FAM171A1: variants seen among roughly 807,000 people sequenced by gnomAD.
FAM171A1 encodes the protein protein FAM171A1.
Under a neutral mutation model 74.9 loss-of-function variants are expected in FAM171A1, and 23 were observed. The observed-to-expected ratio is 0.31, with a 90% CI of 0.22 to 0.44. The LOEUF (loss-of-function observed/expected upper bound fraction) is 0.44, where lower values mean the gene tolerates loss of function less well. Among genes scored for constraint, FAM171A1 ranks in the 20% least tolerant of loss-of-function variants. The probability of loss-of-function intolerance (pLI) is 1.00; values close to 1 mark genes in which losing one functional copy is unlikely to be tolerated. For missense variants in FAM171A1, 1,162 were observed against 1,159.2 expected (o/e 1.00, Z -0.03); for synonymous variants, 527 against 505.7 (o/e 1.04, Z -0.57).
At chr10:15,234,120 C>T (rs1367361970) in intron 5 of FAM171A1, among the ~76,000 whole-genome samples, 3 of 151,294 alleles carry the variant, frequency 2.0e-5, no homozygotes, top group Non-Finnish European at 4.4e-5. Context: ...AAGTTTCAGG[C>T]GTGATGAAGG....
At chr10:15,341,557 T>G (rs1263769507) in intron 1 of FAM171A1, among the ~76,000 whole-genome samples, 1 of 152,198 alleles carries the variant, frequency 6.6e-6, no homozygotes, top group Non-Finnish European at 1.5e-5. Flanking sequence ...ATTTAAGAGT[T>G]TAATGTGGAA....
chr10:15,282,773 A>G (rs1215204389), intron 2 of FAM171A1, among the ~76,000 whole-genome samples: 2 of 152,004 alleles, frequency 1.3e-5, no homozygotes, highest in Admixed American at 1.3e-4. Flanking sequence ...GTGCAGTGGC[A>G]CCATCTCAGC....
rs140137132 is a variant in FAM171A1 at position 15,221,056 on chromosome 10, C to T, written c.759G>A (p.Thr253=). The T allele has an allele frequency of 4.6e-5, 75 of 1,613,824 alleles. No individual in the cohort carries two copies. Among genetic ancestry groups the T allele is most frequent in the African/African-American group, 3.1e-4 (23 of 75,054 alleles). ...CAAGACCCAGACCGCTCTTCAGCCA[C>T]GTTCCTGTGGAATTGAGAAAGAGAT... The part of the protein sequence containing the change: ...AAWRFDQKLG[T]WLKSGLGLVH... The change falls in exon 6 of 8, where the codon ACG becomes ACA. Residue 253 remains threonine (T), a synonymous_variant. Coordinates refer to ENST00000378116, the MANE Select transcript of FAM171A1 (RefSeq NM_001010924.2).
In FAM171A1 at chr10:15,331,735, A is replaced by G. The variant is rs528752944; in HGVS notation, c.97+39221T>C. Among the ~76,000 whole-genome samples the G allele has an allele frequency of 1.2e-4, 18 of 148,856 alleles. No homozygotes were observed. In the South Asian group the frequency reaches 1.9e-3, roughly 16 times the overall value. ...ATTACAGGACTGATGTTTTATATATATGTGTGTGTGTGTGTGTATGTATAT... is the reference window on the plus strand; with the variant it reads ...ATTACAGGACTGATGTTTTATATATGTGTGTGTGTGTGTGTGTATGTATAT... On this transcript the variant is annotated intron_variant, in intron 1 of 7. Coordinates refer to ENST00000378116, the MANE Select transcript of FAM171A1 (RefSeq NM_001010924.2).
At chr10:15,349,367 C>T (rs560001903) in intron 1 of FAM171A1, among the ~76,000 whole-genome samples, 2 of 152,190 alleles carry the variant, frequency 1.3e-5, no homozygotes, top group Admixed American at 6.5e-5. Context: ...GCATGTAACT[C>T]GAGTAGGAGG....
chr10:15,281,194 G>A (rs1834966378), intron 2 of FAM171A1, among the ~76,000 whole-genome samples: 1 of 152,170 alleles, frequency 6.6e-6, no homozygotes. Flanking sequence ...ATGATCGGAA[G>A]CTTCCTGAGG....
At chr10:15,369,213 A>AATATATATATATATATATATATTGAAT (rs71505070) in intron 1 of FAM171A1, among the ~76,000 whole-genome samples, 8 of 145,758 alleles carry the variant, frequency 5.5e-5, no homozygotes, top group African/African-American at 7.5e-5. Context: ...ATATATATTG[A>AATATATATATATATATATATATTGAAT]ATATATATAT....
At chr10:15,295,191 G>C (rs1479107594) in intron 1 of FAM171A1, among the ~76,000 whole-genome samples, 1 of 152,150 alleles carries the variant, frequency 6.6e-6, no homozygotes, top group Non-Finnish European at 1.5e-5. Context: ...ACCTGCCTCG[G>C]CCTCCCAAAG....
chr10:15,329,468 T>C (rs941059521), intron 1 of FAM171A1, among the ~76,000 whole-genome samples: 1 of 151,836 alleles, frequency 6.6e-6, no homozygotes, highest in African/African-American at 2.4e-5. Flanking sequence ...CTGGGTAACA[T>C]GGTGAAAATT....
chr10:15,221,428 C>T (rs1030735897), intron 5 of FAM171A1, among the ~76,000 whole-genome samples: 4 of 152,272 alleles, frequency 2.6e-5, no homozygotes, highest in Non-Finnish European at 5.9e-5. Context: ...GGGGGAAATC[C>T]GGCTCTATTC....
chr10:15,212,049 A>C lies in FAM171A1; in HGVS notation c.*866T>G, dbSNP rs535833683. 1 of 152,676 alleles carries C rather than the reference A, an allele frequency of 6.5e-6. No homozygotes were observed. The highest frequency in any genetic ancestry group is 2.1e-4 in the South Asian group (1 of 4,834). 9.5% of individuals were successfully genotyped at this position (152,676 alleles called of 1,614,324 possible). A position where few individuals can be genotyped will look rare whatever the true frequency, so the allele number is the denominator to read the frequency against. On this transcript the variant is annotated 3_prime_UTR_variant, in exon 8 of 8. Transcript: ENST00000378116. ...CCCCAAATGGCACTTGGCAGCATGC[A>C]GTTTAAAGCAAAAGAGACATCCTTT...
intron 3 of FAM171A1, among the ~76,000 whole-genome samples, chr10:15,271,207 A>C (rs1588524914): frequency 6.6e-6 from 1 of 152,248 alleles, no homozygotes; most frequent in African/African-American, 2.4e-5. Flanking sequence ...GATGGAGCTG[A>C]AAACCATGGC....
chr10:15,340,679 G>A (rs558642736), intron 1 of FAM171A1, among the ~76,000 whole-genome samples: 34 of 152,268 alleles, frequency 2.2e-4, no homozygotes, highest in Non-Finnish European at 3.1e-4. Flanking sequence ...ATACTTGGAC[G>A]CATGCAATAA....
chr10:15,308,170 A>G (rs1835319639), intron 1 of FAM171A1, among the ~76,000 whole-genome samples: 3 of 152,088 alleles, frequency 2.0e-5, no homozygotes, highest in African/African-American at 7.2e-5. Context: ...CCACACTAAC[A>G]TTTGTCTTTC....
At chr10:15,314,790 G>C (rs956354477) in intron 1 of FAM171A1, among the ~76,000 whole-genome samples, 1 of 152,222 alleles carries the variant, frequency 6.6e-6, no homozygotes, top group African/African-American at 2.4e-5. Flanking sequence ...GGAAGTTGGG[G>C]AGTATCCGCT....
chr10:15,214,478 C>G lies in FAM171A1; in HGVS notation c.1110G>C (p.Ala370=). The change falls in exon 8 of 8, where the codon GCG becomes GCC. Residue 370 remains alanine, a synonymous_variant. Coordinates refer to ENST00000378116, the MANE Select transcript of FAM171A1 (RefSeq NM_001010924.2). ...CGGACAGCGGGCCAGGGAATTCTGA[C>G]GCTCGGCGTGAAAACAGCAAGTTAA... ...SHINLLFSRR[A]SEFPGPLSVT... The G allele has an allele frequency of 5.0e-6, 8 of 1,614,162 alleles. No homozygotes were observed. The highest frequency in any genetic ancestry group is 6.8e-6 in the Non-Finnish European group (8 of 1,180,036).
intron 1 of FAM171A1, among the ~76,000 whole-genome samples, chr10:15,289,580 A>C (rs968912242): frequency 6.6e-6 from 1 of 152,024 alleles, no homozygotes; most frequent in African/African-American, 2.4e-5. Flanking sequence ...CTTTACCAAA[A>C]CAGTCACCCT....
chr10:15,274,182 T>C (rs565865608), intron 3 of FAM171A1, among the ~76,000 whole-genome samples: 6 of 152,270 alleles, frequency 3.9e-5, no homozygotes, highest in Non-Finnish European at 7.4e-5. Flanking sequence ...GCAACTTCAG[T>C]AAAGTCTCAG....
rs551059692 is a variant in FAM171A1 at position 15,344,096 on chromosome 10, C to G, written c.97+26860G>C. ...GACTTTGTGACAATTAGTGTCAGAC[C>G]TTCATCTTTAAAGAGGTGCAATGAA... On this transcript the variant is annotated intron_variant, in intron 1 of 7. Coordinates refer to ENST00000378116, the MANE Select transcript of FAM171A1 (RefSeq NM_001010924.2). 5.3e-5 allele frequency among the ~76,000 whole-genome samples: 8 copies of G among 152,250 alleles called. No individual in the cohort carries two copies. In the East Asian group the frequency reaches 1.5e-3, roughly 29 times the overall value.
Sources: allele counts gnomAD v4.1 joint callset (sites outside exome capture counted in the v4.1 genomes callset), GRCh38; gene constraint gnomAD v4.1.1; transcripts MANE v1.5; gene names NCBI Gene and HGNC (gene_info 2026-07-23, HGNC 2026-07-21).